The following CCDC57 variants were observed in gnomAD, a reference collection of about 807,000 sequenced individuals.
CCDC57 encodes coiled-coil domain-containing protein 57.
In CCDC57, 118 loss-of-function variants were observed where a neutral mutation model predicts 118.9. The observed-to-expected ratio is 0.99, with a 90% CI of 0.86 to 1.16. The LOEUF (loss-of-function observed/expected upper bound fraction) is 1.16, where lower values mean the gene tolerates loss of function less well. CCDC57 is among the 50% of genes most tolerant of loss of function. The pLI is 0.00. For synonymous variants in CCDC57, 527 were observed against 532.9 expected, an observed-to-expected ratio of 0.99 and a Z score of 0.15; for missense variants, 1,300 against 1,320.7, an observed-to-expected ratio of 0.98 and a Z score of 0.24.
chr17:82,102,373 G>A (rs1007941745), intron 19 of CCDC57, among the ~76,000 whole-genome samples: 2 of 152,272 alleles, frequency 1.3e-5, no homozygotes, highest in Non-Finnish European at 2.9e-5. Context: ...TGGGCACCAC[G>A]TGGCCAGGCA....
intron 14 of CCDC57, among the ~76,000 whole-genome samples, chr17:82,161,102 C>T (rs1042133698): frequency 4.6e-5 from 7 of 152,130 alleles, no homozygotes; most frequent in South Asian, 2.1e-4. Context: ...GCACATGAGA[C>T]GATGCTCGAC....
chr17:82,151,830 CA>C (rs2042103122), intron 15 of CCDC57, 57 bp from the exon 15 acceptor site: 2 of 1,463,452 alleles, frequency 1.4e-6, no homozygotes, highest in Non-Finnish European at 1.8e-6. Flanking sequence ...GGGAGGACGC[CA>C]GGGGTGCCCA....
At chr17:82,106,579 AGGCCCCGGAAGGAAAGTGACAGGCAGC>A (rs1414271457) in intron 19 of CCDC57, 2 of 152,314 alleles carry the variant, frequency 1.3e-5, no homozygotes, top group African/African-American at 4.8e-5. Context: ...GAACGCCCTG[AGGCCCCGGAAGGAAAGTGACAGGCAGC>A]GGCTGAGCTG....
chr17:82,195,841 A>T (rs1017261721), intron 4 of CCDC57, among the ~76,000 whole-genome samples: 2 of 152,042 alleles, frequency 1.3e-5, no homozygotes, highest in African/African-American at 4.8e-5. Flanking sequence ...CAGAGCCCAC[A>T]CAGGATCGGA....
intron 13 of CCDC57, among the ~76,000 whole-genome samples, chr17:82,171,492 C>G (rs1280372394): frequency 4.6e-5 from 7 of 151,798 alleles, no homozygotes; most frequent in African/African-American, 1.7e-4. Context: ...CAAGGAATTC[C>G]ATTCACACCA....
intron 3 of CCDC57, 68 bp downstream of exon 2, chr17:82,201,470 C>A (rs369749151): frequency 6.8e-7 from 1 of 1,463,152 alleles, no homozygotes. Context: ...GGCAGCACAG[C>A]GGAGCAGGAG....
At chr17:82,168,806 C>T (rs2044317518) in intron 13 of CCDC57, among the ~76,000 whole-genome samples, 1 of 149,816 alleles carries the variant, frequency 6.7e-6, no homozygotes, top group Admixed American at 6.6e-5. Flanking sequence ...AAAAAAAAAC[C>T]CTAAATGTAT....
At chr17:82,124,688 T>G (rs1568176796) in intron 19 of CCDC57, among the ~76,000 whole-genome samples, 1 of 151,846 alleles carries the variant, frequency 6.6e-6, no homozygotes, top group Admixed American at 6.6e-5. Flanking sequence ...CCCAGCTACT[T>G]GGGAGGCTGA....
At chr17:82,141,169 C>A (rs1383058958) in intron 16 of CCDC57, among the ~76,000 whole-genome samples, 2 of 140,158 alleles carry the variant, frequency 1.4e-5, no homozygotes, top group African/African-American at 5.3e-5. Context: ...TGCCACCACG[C>A]CCGGCTAATT....
At chr17:82,114,306 G>T (rs2035566739) in intron 19 of CCDC57, among the ~76,000 whole-genome samples, 1 of 152,190 alleles carries the variant, frequency 6.6e-6, no homozygotes, top group Non-Finnish European at 1.5e-5. Context: ...CTGCGGAGGT[G>T]GGGGCCAGAG....
At chr17:82,174,651 C>G (rs1484207452) in intron 11 of CCDC57, among the ~76,000 whole-genome samples, 8 of 152,204 alleles carry the variant, frequency 5.3e-5, no homozygotes, top group Admixed American at 5.2e-4. Flanking sequence ...AAAGAGATAA[C>G]AACATAAAGC....
At chr17:82,184,017 GC>G in intron 8 of CCDC57, 85 bp from the exon 8 acceptor site, 1 of 207,916 alleles carries the variant, frequency 4.8e-6, no homozygotes, top group Non-Finnish European at 8.6e-6. Flanking sequence ...AAATACACAT[GC>G]GCGCGCGCGC....
chr17:82,157,095 GC>G (rs35257105), intron 15 of CCDC57: 71,536 of 153,066 alleles, frequency 0.47, 17,544 homozygotes, highest in East Asian at 0.88. Flanking sequence ...GTCCTTCACA[GC>G]CTTTCCCTCT....
At chr17:82,144,926 T>G (rs1343653938) in intron 16 of CCDC57, among the ~76,000 whole-genome samples, 2 of 151,696 alleles carry the variant, frequency 1.3e-5, no homozygotes, top group African/African-American at 4.8e-5. Context: ...GCCCCCTACA[T>G]ACACACAAAA....
rs537733534 is a variant in CCDC57 at position 82,171,865 on chromosome 17, A to T, written c.1730-12T>A. ...GGCCAGAACATAATCTGCCAAAAAA[A>T]CCTCCAGTGAATATAACACATACAC... On this transcript the variant is annotated splice_polypyrimidine_tract_variant and intron_variant, in intron 12 of 19. Transcript: ENST00000665763. The T allele has an allele frequency of 9.3e-6, 15 of 1,609,142 alleles. No individual in the cohort carries two copies. Among genetic ancestry groups the T allele is most frequent in the Non-Finnish European group, 1.2e-5 (14 of 1,176,114 alleles).
intron 19 of CCDC57, among the ~76,000 whole-genome samples, chr17:82,120,010 G>C (rs1413440456): frequency 5.3e-5 from 8 of 152,090 alleles, no homozygotes; most frequent in Non-Finnish European, 1.2e-4. Context: ...ATGAGCAGGA[G>C]GGTGGTTCGG....
In CCDC57 at chr17:82,127,294, C is replaced by T. The variant is rs990867952; in HGVS notation, c.2899+398G>A. 141 of 985,230 alleles carry T rather than the reference C, an allele frequency of 1.4e-4. 1 individual carries two copies. Among genetic ancestry groups the T allele is most frequent in the Non-Finnish European group, 1.6e-4 (133 of 829,904 alleles). 61.0% of individuals were successfully genotyped at this position (985,230 alleles called of 1,614,324 possible). ...GAGCATCGCTGGGGTCGACCTGGCTCTTCCCCAGGAGCAGGGCCGTCTAAA... is the reference window on the plus strand; with the variant it reads ...GAGCATCGCTGGGGTCGACCTGGCTTTTCCCCAGGAGCAGGGCCGTCTAAA... On this transcript the variant is annotated intron_variant, in intron 19 of 19. Coordinates refer to ENST00000665763, the Ensembl canonical transcript of CCDC57.
At chr17:82,198,246 T>C (rs1201868698) in intron 4 of CCDC57, 68 bp downstream of exon 3, 8 of 934,026 alleles carry the variant, frequency 8.6e-6, no homozygotes, top group African/African-American at 8.3e-5. Context: ...CTCAGCCCTA[T>C]ATGATTTCAG....
intron 16 of CCDC57, among the ~76,000 whole-genome samples, chr17:82,139,697 C>T (rs1691935762): frequency 6.6e-6 from 1 of 152,142 alleles, no homozygotes. Context: ...CCCCAGAAAG[C>T]TCAGAGTGCT....
Sources: allele counts gnomAD v4.1 joint callset (sites outside exome capture counted in the v4.1 genomes callset), GRCh38; gene constraint gnomAD v4.1.1; transcripts MANE v1.5; gene names NCBI Gene and HGNC (gene_info 2026-07-23, HGNC 2026-07-21).